Variants in RRP9 observed in about 807,000 individuals in gnomAD.
RRP9 encodes the protein ribosomal RNA processing 9, U3 small nucleolar RNA binding protein.
Under a neutral mutation model 65.5 loss-of-function variants are expected in RRP9, and 35 were observed. The ratio of observed to expected loss-of-function variants is 0.53; its 90% CI spans 0.41 to 0.71. The LOEUF is 0.71. Among genes scored for constraint, RRP9 ranks in the 30% least tolerant of loss-of-function variants. RRP9 has a pLI of 0.00. For missense variants in RRP9, 533 were observed against 633.6 expected, an observed-to-expected ratio of 0.84 and a Z score of 1.70; for synonymous variants, 254 against 245.0, an observed-to-expected ratio of 1.04 and a Z score of -0.34.
At chr3:51,935,749 G>C in intron 8 of RRP9, 57 bp from the exon 9 acceptor site, 1 of 1,462,364 alleles carries the variant, frequency 6.8e-7, no homozygotes, top group Non-Finnish European at 9.6e-7. Flanking sequence ...GCGAGAGACA[G>C]GTCAGGCCCA....
At chr3:51,933,811 T>G (rs1358407235) in intron 13 of RRP9, 30 bp from the exon 14 acceptor site, 2 of 1,605,096 alleles carry the variant, frequency 1.2e-6, no homozygotes, top group African/African-American at 2.7e-5. Flanking sequence ...GGAAAGACAT[T>G]AGAACGCCCC....
In RRP9 at chr3:51,937,652, T is replaced by A; in HGVS notation, c.348+17A>T. On this transcript the variant is annotated intron_variant, in intron 4 of 14. Transcript: ENST00000232888. This position sits in a 1 kb window ranked among gnomAD's most constrained non-coding sequence, Gnocchi z 5.0. ...AGCTCCACCCCCGTCCTCCCCCAAC[T>A]CTCCCTCCACACTTACCACATCCTC... is the stretch of plus-strand genomic sequence containing the variant. 6.2e-7 allele frequency: 1 copy of A among 1,613,770 alleles called. No homozygotes were observed. Among genetic ancestry groups the A allele is most frequent in the Non-Finnish European group, 8.5e-7 (1 of 1,179,938 alleles).
At chr3:51,933,675 C>T (rs201378682) in intron 14 of RRP9, 33 bp downstream of exon 14, 9 of 1,613,122 alleles carry the variant, frequency 5.6e-6, no homozygotes, top group African/African-American at 5.3e-5. Context: ...CAGCCTGCAC[C>T]ACCTTACCTG....
chr3:51,938,151 G>T lies in RRP9; in HGVS notation c.224C>A (p.Ala75Glu). The change falls in exon 3 of 15, where the codon GCA becomes GAA. Residue 75 changes from alanine (A) to glutamate (E), a missense_variant. By Grantham distance (107) the Ala-to-Glu change is moderately radical. This residue lies in a region of RRP9 where 449 missense variants were observed against 550.6 expected (regional missense o/e 0.82). Transcript: ENST00000232888. Reference sequence around the variant, plus strand: ...GGCCAAGCGCAGCTTCTTTTCCTGTGCAGTTTCCTCCAGCTCCTCCTCCTC... The same window carrying T: ...GGCCAAGCGCAGCTTCTTTTCCTGTTCAGTTTCCTCCAGCTCCTCCTCCTC... ...EEEEEELEET[A>E]QEKKLRLAKL... is the part of the protein sequence containing the mutation. The T allele has an allele frequency of 6.2e-7, 1 of 1,604,630 alleles. No homozygotes were observed.
chr3:51,936,507 T>C lies in RRP9; in HGVS notation c.566A>G (p.Lys189Arg), dbSNP rs772897107. 1.1e-5 allele frequency: 18 copies of C among 1,614,080 alleles called. 1 individual carries two copies. The South Asian group carries it at 1.2e-4, about 11-fold the overall frequency. The change falls in exon 7 of 15, where the codon AAG becomes AGG. Residue 189 changes from lysine (K) to arginine (R), a missense_variant. Physicochemically the swap from Lys to Arg is conservative, Grantham distance 26. Transcript: ENST00000232888. ...RKLHVIPRAK[K>R]GAEGKPPGHS... ...GCCAGGGGGCTTTCCCTCGGCACCCTTCTTGGCTCGAGGAATCACATGCAG... is the reference window on the plus strand; with the variant it reads ...GCCAGGGGGCTTTCCCTCGGCACCCCTCTTGGCTCGAGGAATCACATGCAG...
chr3:51,941,320 C>G, intron 2 of RRP9, 89 bp downstream of exon 2: 7 of 1,113,856 alleles, frequency 6.3e-6, no homozygotes, highest in Non-Finnish European at 9.6e-6. Context: ...GTCTTGGATT[C>G]TAGGCTCAGT....
rs199806648 is a variant in RRP9, at chr3:51,937,147, C to G, written c.517+45G>C. On this transcript the variant is annotated intron_variant, in intron 6 of 14. Coordinates refer to ENST00000232888, the MANE Select transcript of RRP9 (RefSeq NM_004704.5). This position sits in a 1 kb window ranked among gnomAD's most constrained non-coding sequence, Gnocchi z 5.0. ...CTCCCACTCCCCTGACCAGCCCTCC[C>G]GGATCCGCCATGGGGGCTCCAGCCC... 1 of 1,606,544 alleles carries G rather than the reference C, an allele frequency of 6.2e-7. No individual in the cohort carries two copies.
chr3:51,938,191 T>C lies in RRP9; in HGVS notation c.184A>G (p.Lys62Glu). ...DSESESLAPRKPEEEEEEELE... is the reference protein window; with the variant it reads ...DSESESLAPREPEEEEEEELE... ...TCCTCCTCCTCCTCCTCCTCAGGCT[T>C]CCTTGGAGCTAGGCTGTGGGCAGGA... Residue 62 changes from lysine (K) to glutamate (E), a missense_variant, in exon 3 of 15, where the codon AAG (lysine) becomes GAG (glutamate). This residue lies in a region of RRP9 where 449 missense variants were observed against 550.6 expected (regional missense o/e 0.82). Coordinates refer to ENST00000232888, the MANE Select transcript of RRP9 (RefSeq NM_004704.5). The C allele has an allele frequency of 6.4e-7, 1 of 1,567,710 alleles. No homozygotes were observed. Among genetic ancestry groups the C allele is most frequent in the Non-Finnish European group, 8.6e-7 (1 of 1,159,974 alleles).
chr3:51,934,736 C>T lies in RRP9; in HGVS notation c.1075G>A (p.Ala359Thr). 1 of 1,614,142 alleles carries T rather than the reference C, an allele frequency of 6.2e-7. No individual in the cohort carries two copies. Among genetic ancestry groups the T allele is most frequent in the Non-Finnish European group, 8.5e-7 (1 of 1,180,022 alleles). Residue 359 changes from alanine to threonine, a missense_variant, in exon 12 of 15, where the codon GCC becomes ACC. Coordinates refer to ENST00000232888, the MANE Select transcript of RRP9 (RefSeq NM_004704.5). This position sits in a 1 kb window ranked among gnomAD's most constrained non-coding sequence, Gnocchi z 4.1. Reference sequence around the variant, plus strand: ...AGCCCGTGAGCTTCACGCTGCAGGGCAAGTGGTCGCTTCTTGGAGAGACCC... The same window carrying T: ...AGCCCGTGAGCTTCACGCTGCAGGGTAAGTGGTCGCTTCTTGGAGAGACCC... ...LWGLSKKRPL[A>T]LQREAHGLRG...
chr3:51,936,218 G>A, intron 8 of RRP9, 39 bp downstream of exon 8: 1 of 1,566,258 alleles, frequency 6.4e-7, no homozygotes, highest in Non-Finnish European at 8.8e-7. Context: ...ACTAGCATGT[G>A]CCCACTAAAG....
In RRP9 at chr3:51,934,221, A is replaced by T. The variant is rs558161005; in HGVS notation, c.1260+251T>A. 6.6e-6 allele frequency among the ~76,000 whole-genome samples: 1 copy of T among 152,204 alleles called. No homozygotes were observed. The highest frequency in any genetic ancestry group is 2.1e-4 in the South Asian group (1 of 4,808). Reference sequence around the variant, plus strand: ...TGGCACCAGCAGTACAGAATTCATCACAGGGCCAGGCCTCCATGCCTCTCC... The same window carrying T: ...TGGCACCAGCAGTACAGAATTCATCTCAGGGCCAGGCCTCCATGCCTCTCC... On this transcript the variant is annotated intron_variant, in intron 13 of 14. Coordinates refer to ENST00000232888, the MANE Select transcript of RRP9 (RefSeq NM_004704.5). The surrounding 1 kb of genome is among the most constrained non-coding windows in gnomAD (Gnocchi z 4.1).
intron 1 of RRP9, 28 bp downstream of exon 1, chr3:51,941,753 C>T: frequency 8.5e-6 from 13 of 1,531,412 alleles, no homozygotes; most frequent in Non-Finnish European, 1.1e-5. Context: ...GCAGGGCTGA[C>T]CGCGGCCCTC....
At chr3:51,941,561 C>CCG (rs1553715559) in intron 1 of RRP9, 70 bp from the exon 2 acceptor site, 1 of 1,387,588 alleles carries the variant, frequency 7.2e-7, no homozygotes, top group African/African-American at 1.4e-5. Flanking sequence ...GGGCCCCCCC[C>CCG]CCTCGGTTCC....
intron 1 of RRP9, 72 bp downstream of exon 1, chr3:51,941,709 A>G: frequency 7.3e-7 from 1 of 1,375,494 alleles, no homozygotes; most frequent in Non-Finnish European, 1.0e-6. Flanking sequence ...GCCGGGACCC[A>G]GGTCCCCTGG....
intron 8 of RRP9, among the ~76,000 whole-genome samples, 177 bp from the exon 9 acceptor site, chr3:51,935,869 TA>T (rs1699451904): frequency 1.3e-5 from 2 of 152,206 alleles, no homozygotes; most frequent in Admixed American, 1.3e-4. Flanking sequence ...TTTATTTATT[TA>T]TTTTTTTTAG....
In RRP9 at chr3:51,941,355, C is replaced by T. The variant is rs1699527529; in HGVS notation, c.170+54G>A. The T allele has an allele frequency of 7.7e-6, 11 of 1,431,326 alleles. No individual in the cohort carries two copies. In the East Asian group the frequency reaches 2.5e-4, roughly 32 times the overall value. The allele number at this position is 1,431,326 out of a possible 1,614,324, so 88.7% of individuals were successfully genotyped here. On this transcript the variant is annotated intron_variant, in intron 2 of 14. Transcript: ENST00000232888. ...TTCTGTTCGGACTCACTCAGTCTTC[C>T]GTGCACCATGGGACTCAGTTTTCCC...
At position 51,937,498 on chromosome 3, in the gene RRP9, G is replaced by A; in HGVS notation, c.390+47C>T. 1 of 1,613,066 alleles carries A rather than the reference G, an allele frequency of 6.2e-7. No homozygotes were observed. Among genetic ancestry groups the A allele is most frequent in the Non-Finnish European group, 8.5e-7 (1 of 1,179,118 alleles). ...AAGTGTCCACCATGTTCCAAGTGGG[G>A]CCCCCAATTCCCTCCAACCTTATAC... On this transcript the variant is annotated intron_variant, in intron 5 of 14. Transcript: ENST00000232888. The surrounding 1 kb of genome is among the most constrained non-coding windows in gnomAD (Gnocchi z 5.0).
Position 51,934,598 on chromosome 3 carries a change from C to T in RRP9, c.1180+33G>A, listed in dbSNP as rs753756353. On this transcript the variant is annotated intron_variant, in intron 12 of 14. Coordinates refer to ENST00000232888, the MANE Select transcript of RRP9 (RefSeq NM_004704.5). The surrounding 1 kb of genome is among the most constrained non-coding windows in gnomAD (Gnocchi z 4.1). ...GCAACCCCTGCACCGGCCCACCCGG[C>T]GACCCCTCCTCCCTGCCTCTCAGGG... The T allele has an allele frequency of 3.1e-6, 5 of 1,613,444 alleles. No individual in the cohort carries two copies. The highest frequency in any genetic ancestry group is 1.7e-5 in the Admixed American group (1 of 59,986).
chr3:51,941,524 G>A (rs758847972), intron 1 of RRP9, 33 bp from the exon 2 acceptor site: 8 of 1,586,206 alleles, frequency 5.0e-6, no homozygotes, highest in Non-Finnish European at 6.9e-6. Flanking sequence ...TTTGGTCAGG[G>A]GTCCAGACCA....
Sources: allele counts gnomAD v4.1 joint callset (sites outside exome capture counted in the v4.1 genomes callset), GRCh38; gene constraint gnomAD v4.1.1; regional missense constraint gnomAD v4.1.1; non-coding constraint Gnocchi (gnomAD v3.1); transcripts MANE v1.5; gene names NCBI Gene and HGNC (gene_info 2026-07-23, HGNC 2026-07-21).